LRTM3: variants seen among roughly 807,000 people sequenced by gnomAD.
LRTM3 encodes leucine-rich repeat transmembrane protein 3.
At chr13:102,755,598 A>G in the LRTM3 span, among the ~76,000 whole-genome samples, 1 of 152,196 alleles carries the variant, frequency 6.6e-6, no homozygotes, top group African/African-American at 2.4e-5. Context: ...GAGCTGAACA[A>G]TGAGAACACA....
chr13:102,733,451 G>T, the LRTM3 span: 10 of 1,551,304 alleles, frequency 6.4e-6, no homozygotes, highest in East Asian at 1.2e-4. Context: ...TTTTGAATTT[G>T]CAGGGGTGCC....
At chr13:102,733,128 G>T in the LRTM3 span, 1 of 1,551,424 alleles carries the variant, frequency 6.4e-7, no homozygotes. Context: ...CCACTTTGAA[G>T]GGGAAACTTA....
the LRTM3 span, chr13:102,758,264 A>C: frequency 1.7e-6 from 1 of 578,318 alleles, no homozygotes. Flanking sequence ...GCATAGCAAC[A>C]ATTTAAAGTA....
chr13:102,743,396 C>T, the LRTM3 span: 1 of 1,550,584 alleles, frequency 6.4e-7, no homozygotes, highest in African/African-American at 1.4e-5. Flanking sequence ...CACATTTTCA[C>T]CTTGCCACAT....
chr13:102,744,139 G>C, the LRTM3 span: 3 of 1,550,554 alleles, frequency 1.9e-6, no homozygotes, highest in Non-Finnish European at 2.6e-6. Flanking sequence ...ACTTAAAACG[G>C]TGTTGCTTTT....
At chr13:102,730,376 T>G in the LRTM3 span, 1 of 1,550,964 alleles carries the variant, frequency 6.4e-7, no homozygotes, top group Admixed American at 2.0e-5. Flanking sequence ...ACTCTCAATA[T>G]CTGTCTGAAT....
At chr13:102,740,305 A>C in the LRTM3 span, 1 of 1,550,304 alleles carries the variant, frequency 6.5e-7, no homozygotes, top group Non-Finnish European at 8.7e-7. Context: ...TCTGCCTTGG[A>C]GAAATCAAGG....
At chr13:102,755,959 A>ATT in the LRTM3 span, among the ~76,000 whole-genome samples, 77 of 70,296 alleles carry the variant, frequency 1.1e-3, no homozygotes, top group African/African-American at 3.7e-3. Context: ...ATATATATAT[A>ATT]TATTTTTTTT....
the LRTM3 span, chr13:102,746,680 G>A: frequency 6.4e-7 from 1 of 1,551,146 alleles, no homozygotes; most frequent in Non-Finnish European, 8.7e-7. Flanking sequence ...AAACAGGAGT[G>A]CAATAATTGA....
the LRTM3 span, chr13:102,734,919 G>C: frequency 6.4e-7 from 1 of 1,550,986 alleles, no homozygotes; most frequent in African/African-American, 1.4e-5. Flanking sequence ...CCTTTTTGTA[G>C]ATAGATTAAA....
the LRTM3 span, among the ~76,000 whole-genome samples, chr13:102,755,749 C>A: frequency 6.7e-6 from 1 of 149,564 alleles, no homozygotes; most frequent in Non-Finnish European, 1.5e-5. Context: ...ACACGTTCTG[C>A]ATATGTATCC....
the LRTM3 span, among the ~76,000 whole-genome samples, chr13:102,757,367 G>GCGAC: frequency 7.2e-5 from 11 of 152,258 alleles, no homozygotes; most frequent in African/African-American, 2.6e-4. Flanking sequence ...GATTCACACA[G>GCGAC]TGACTAGTGA....
At chr13:102,736,720 G>T in the LRTM3 span, 280 of 1,550,404 alleles carry the variant, frequency 1.8e-4, 1 homozygote, top group African/African-American at 3.2e-3. Flanking sequence ...TATGGGAAAG[G>T]GGTGATTTCT....
the LRTM3 span, chr13:102,747,555 T>C: frequency 3.2e-6 from 5 of 1,551,062 alleles, no homozygotes; most frequent in Non-Finnish European, 4.4e-6. Context: ...GGTAAATATC[T>C]TTTTACATCT....
the LRTM3 span, chr13:102,729,826 A>G: frequency 6.4e-7 from 1 of 1,551,850 alleles, no homozygotes; most frequent in Middle Eastern, 1.7e-4. Flanking sequence ...CGTGGTCCCA[A>G]TGACTGCTGT....
chr13:102,745,284 T>C, the LRTM3 span: 205 of 1,550,702 alleles, frequency 1.3e-4, no homozygotes, highest in Non-Finnish European at 1.7e-4. Context: ...GTTTCTTTAA[T>C]GTCACGTGAA....
the LRTM3 span, chr13:102,735,309 C>T: frequency 1.9e-6 from 3 of 1,551,222 alleles, no homozygotes; most frequent in Non-Finnish European, 2.6e-6. Context: ...AATTGCTTTA[C>T]ATCACTTGAA....
chr13:102,756,525 T>G, the LRTM3 span, among the ~76,000 whole-genome samples: 2 of 151,256 alleles, frequency 1.3e-5, no homozygotes, highest in Non-Finnish European at 1.5e-5. Flanking sequence ...ACACAAAAAA[T>G]TAGCCAGGTG....
At chr13:102,756,673 TAAAAAAAAAA>T in the LRTM3 span, among the ~76,000 whole-genome samples, 1 of 67,024 alleles carries the variant, frequency 1.5e-5, no homozygotes, top group African/African-American at 5.5e-5. Context: ...AAACTCTGTC[TAAAAAAAAAA>T]AAAAAAAAAA....
Sources: gnomAD v4.1 joint callset for allele counts (sites outside exome capture counted in the v4.1 genomes callset) on GRCh38, gnomAD v4.1.1 for gene constraint, MANE v1.5 for transcripts, NCBI Gene and HGNC (gene_info 2026-07-23, HGNC 2026-07-21) for gene names.